The following CORO1B variants were observed in gnomAD, a reference collection of about 807,000 sequenced individuals.
CORO1B encodes coronin 1B, also known as coronin-1B.
In CORO1B, 30 loss-of-function variants were observed where a neutral mutation model predicts 51.1. The observed-to-expected ratio is 0.59, with a 90% CI of 0.44 to 0.80. CORO1B has a LOEUF of 0.80. CORO1B is among the 30% of genes least tolerant of loss of function. The pLI, the probability that CORO1B is intolerant of heterozygous loss-of-function variation, is 0.00. For missense variants in CORO1B, 648 were observed against 700.4 expected (o/e 0.93, Z 0.84); for synonymous variants, 310 against 289.7 (o/e 1.07, Z -0.71).
intron 3 of CORO1B, 41 bp from the exon 4 acceptor site, chr11:67,441,903 G>A: frequency 3.7e-6 from 6 of 1,613,072 alleles, no homozygotes; most frequent in Non-Finnish European, 5.1e-6. Context: ...TCCTCTGCTG[G>A]TCCTATTGCT....
chr11:67,436,166 C>T lies in CORO1B; in HGVS notation c.*2210G>A. 6.4e-7 allele frequency: 1 copy of T among 1,563,074 alleles called. No individual in the cohort carries two copies. Among genetic ancestry groups the T allele is most frequent in the East Asian group, 2.4e-5 (1 of 42,230 alleles). On this transcript the variant is annotated 3_prime_UTR_variant, in exon 11 of 11. Coordinates refer to ENST00000341356, the MANE Select transcript of CORO1B (RefSeq NM_020441.3). ...ACCTAGGCGGGCCGGGTGGTAGTAG[C>T]CCCCTGAGTCACGGCTGAGGCGGCG...
Position 67,436,121 on chromosome 11 carries a change from G to C in CORO1B, c.*2255C>G. 1 of 1,596,496 alleles carries C rather than the reference G, an allele frequency of 6.3e-7. No individual in the cohort carries two copies. Among genetic ancestry groups the C allele is most frequent in the Middle Eastern group, 1.7e-4 (1 of 6,022 alleles). Reference sequence around the variant, plus strand: ...GGGGCTGGCCCAGAGCAGGCGCCGCGTGCGGCCCCACAGCGCGGCACCTAG... The same window carrying C: ...GGGGCTGGCCCAGAGCAGGCGCCGCCTGCGGCCCCACAGCGCGGCACCTAG... On this transcript the variant is annotated 3_prime_UTR_variant, in exon 11 of 11. Coordinates refer to ENST00000341356, the MANE Select transcript of CORO1B (RefSeq NM_020441.3).
At chr11:67,440,483 C>T in intron 6 of CORO1B, 44 bp from the exon 7 acceptor site, 1 of 1,580,246 alleles carries the variant, frequency 6.3e-7, no homozygotes, top group East Asian at 2.3e-5. Context: ...CCTCCTCACC[C>T]CCTAATCCCA....
upstream of CORO1B, chr11:67,443,719 C>G: frequency 1.0e-6 from 1 of 985,114 alleles, no homozygotes; most frequent in Non-Finnish European, 1.2e-6. Context: ...CGGCGGCCGC[C>G]GCAGAGGCGC....
At position 67,440,277 on chromosome 11, in the gene CORO1B, G is replaced by C; in HGVS notation, c.862-14C>G. On this transcript the variant is annotated splice_polypyrimidine_tract_variant and intron_variant, in intron 7 of 10. Coordinates refer to ENST00000341356, the MANE Select transcript of CORO1B (RefSeq NM_020441.3). ...GCTGGAGTCACCCTGTGTGGGGAGG[G>C]GGCTCAGCACCTGGGCACGCCTCTT... 6.2e-7 allele frequency: 1 copy of C among 1,612,832 alleles called. No homozygotes were observed. Among genetic ancestry groups the C allele is most frequent in the East Asian group, 2.2e-5 (1 of 44,850 alleles).
At position 67,441,125 on chromosome 11, in the gene CORO1B, T is replaced by C. The variant is rs1864384643; in HGVS notation, c.756A>G (p.Pro252=). The change falls in exon 6 of 11, where the codon CCA becomes CCG. Residue 252 remains proline (P), a splice_region_variant and synonymous_variant. Coordinates refer to ENST00000341356, the MANE Select transcript of CORO1B (RefSeq NM_020441.3). Reference sequence around the variant, plus strand: ...TTGCCCCCTCAGGCTGGCCACTCACTGGGTCCCAGAGCGCCAGCTGCCGCT... The same window carrying C: ...TTGCCCCCTCAGGCTGGCCACTCACCGGGTCCCAGAGCGCCAGCTGCCGCT... ...MSERQLALWD[P]ENLEEPMALQ... 6.2e-7 allele frequency: 1 copy of C among 1,612,948 alleles called. No individual in the cohort carries two copies. The highest frequency in any genetic ancestry group is 8.5e-7 in the Non-Finnish European group (1 of 1,179,984).
intron 1 of CORO1B, among the ~76,000 whole-genome samples, 194 bp from the exon 2 acceptor site, chr11:67,442,824 C>A (rs1864425490): frequency 6.6e-6 from 1 of 152,182 alleles, no homozygotes; most frequent in African/African-American, 2.4e-5. Flanking sequence ...AGGCAGTGAT[C>A]TGAGAGGTAA....
At chr11:67,442,156 G>A (rs114276194) in intron 2 of CORO1B, 68 bp from the exon 3 acceptor site, 13 of 1,584,086 alleles carry the variant, frequency 8.2e-6, no homozygotes, top group Admixed American at 3.4e-5. Context: ...CCTCCATGGA[G>A]TGGGAATGAC....
chr11:67,443,514 G>A, upstream of CORO1B: 1 of 956,966 alleles, frequency 1.0e-6, no homozygotes, highest in Non-Finnish European at 1.2e-6. Flanking sequence ...GACCCGGAGC[G>A]GGGGCGGGGC....
intron 4 of CORO1B, 24 bp from the exon 5 acceptor site, chr11:67,441,538 C>A (rs551956204): frequency 6.2e-7 from 1 of 1,604,244 alleles, no homozygotes; most frequent in East Asian, 2.2e-5. Flanking sequence ...GTTGTCAGCT[C>A]GGGCCGGGTG....
Position 67,436,572 on chromosome 11 carries a change from A to G in CORO1B, c.*1804T>C. 1 of 457,724 alleles carries G rather than the reference A, an allele frequency of 2.2e-6. No individual in the cohort carries two copies. 28.4% of individuals were successfully genotyped at this position (457,724 alleles called of 1,614,324 possible). On this transcript the variant is annotated 3_prime_UTR_variant, in exon 11 of 11. Transcript: ENST00000341356. ...CTCCCTACCACTCACCTCCCCCAAC[A>G]GCTGCATTAAGCCACCTGCCTGGGG... is the stretch of plus-strand genomic sequence containing the variant.
chr11:67,439,736 C>A, intron 9 of CORO1B, 50 bp downstream of exon 9: 1 of 1,541,320 alleles, frequency 6.5e-7, no homozygotes, highest in Non-Finnish European at 8.8e-7. Flanking sequence ...AACTGCATGG[C>A]CCGCTTGCTG....
In CORO1B at chr11:67,442,635, G is replaced by A. The variant is rs776958206; in HGVS notation, c.-2-5C>T. On this transcript the variant is annotated splice_region_variant and splice_polypyrimidine_tract_variant and intron_variant, in intron 1 of 10. Coordinates refer to ENST00000341356, the MANE Select transcript of CORO1B (RefSeq NM_020441.3). The stretch of plus-strand genomic sequence containing the variant: ...CCACTTTGCGGAAGGACATGTCTGC[G>A]GGACAGAGAGGCCTGGGTCAGTCCG... The A allele has an allele frequency of 3.1e-6, 5 of 1,612,882 alleles. No homozygotes were observed. In the African/African-American group the frequency reaches 4.0e-5, roughly 13 times the overall value.
In CORO1B at chr11:67,443,468, GGGAAGCA is replaced by G; in HGVS notation, c.-74_-68del. The G allele has an allele frequency of 2.0e-6, 2 of 986,198 alleles. No individual in the cohort carries two copies. The highest frequency in any genetic ancestry group is 1.1e-4 in the East Asian group (1 of 8,818). The allele number at this position is 986,198 out of a possible 1,614,324, so 61.1% of individuals were successfully genotyped here. ...CGGGCGGCTCCGGATCCCGGCCTCT[GGGAAGCA>G]GGAAGCAGGATTCAGGAAGTGACAG... On this transcript the variant is annotated 5_prime_UTR_variant, in exon 1 of 11. Coordinates refer to ENST00000341356, the MANE Select transcript of CORO1B (RefSeq NM_020441.3).
Position 67,440,386 on chromosome 11 carries a change from G to A in CORO1B, c.810C>T (p.Ala270=), listed in dbSNP as rs147222783. 3 of 1,613,768 alleles carry A rather than the reference G, an allele frequency of 1.9e-6. No homozygotes were observed. The highest frequency in any genetic ancestry group is 2.5e-6 in the Non-Finnish European group (3 of 1,180,006). Residue 270 remains alanine, a synonymous_variant, in exon 7 of 11, where the codon GCC becomes GCT. Transcript: ENST00000341356. ...ALQELDSSNG[A]LLPFYDPDTS... ...TGTCGGGGTCGTAGAAGGGCAGCAGGGCCCCGTTGCTCGAGTCCAGTTCCT... is the reference window on the plus strand; with the variant it reads ...TGTCGGGGTCGTAGAAGGGCAGCAGAGCCCCGTTGCTCGAGTCCAGTTCCT...
upstream of CORO1B, chr11:67,443,716 C>T (rs1864442541): frequency 5.1e-6 from 5 of 984,846 alleles, no homozygotes; most frequent in South Asian, 4.7e-5. Flanking sequence ...CGACGGCGGC[C>T]GCCGCAGAGG....
rs776024131 is a variant in CORO1B at position 67,440,325 on chromosome 11, C to T, written c.861+10G>A. On this transcript the variant is annotated intron_variant, in intron 7 of 10. Coordinates refer to ENST00000341356, the MANE Select transcript of CORO1B (RefSeq NM_020441.3). ...CTTCCCTGCCCCTCGCCAGCCCTGC[C>T]CAGCCCCACCTTGCCGCAGACGTAG... is the stretch of plus-strand genomic sequence containing the variant. 4 of 1,613,422 alleles carry T rather than the reference C, an allele frequency of 2.5e-6. No individual in the cohort carries two copies. The South Asian group carries it at 4.4e-5, about 18-fold the overall frequency.
In CORO1B at chr11:67,443,441, T is replaced by C. The variant is rs1590988772; in HGVS notation, c.-40A>G. 1.0e-6 allele frequency: 1 copy of C among 986,140 alleles called. No homozygotes were observed. The highest frequency in any genetic ancestry group is 4.7e-5 in the South Asian group (1 of 21,340). 61.1% of individuals were successfully genotyped at this position (986,140 alleles called of 1,614,324 possible). A position where few individuals can be genotyped will look rare whatever the true frequency, so the allele number is the denominator to read the frequency against. ...GGGCGCAGGGGGCTGCGGCACCGGC[T>C]TCGGGCGGCTCCGGATCCCGGCCTC... On this transcript the variant is annotated 5_prime_UTR_variant, in exon 1 of 11. Transcript: ENST00000341356.
Position 67,437,429 on chromosome 11 carries a change from G to A in CORO1B, c.*947C>T. Reference sequence around the variant, plus strand: ...CCTGGTCCGGTATGGGGTGCTGGGGGCCAGGCCTGGAGTCCCAGGGAGCCC... The same window carrying A: ...CCTGGTCCGGTATGGGGTGCTGGGGACCAGGCCTGGAGTCCCAGGGAGCCC... On this transcript the variant is annotated 3_prime_UTR_variant, in exon 11 of 11. Transcript: ENST00000341356. The A allele has an allele frequency of 3.5e-6, 2 of 572,500 alleles. No homozygotes were observed. Among genetic ancestry groups the A allele is most frequent in the African/African-American group, 1.9e-5 (1 of 51,640 alleles). The allele number at this position is 572,500 out of a possible 1,614,324, so 35.5% of individuals were successfully genotyped here.
Sources: gnomAD v4.1 joint callset for allele counts (sites outside exome capture counted in the v4.1 genomes callset) on GRCh38, gnomAD v4.1.1 for gene constraint, MANE v1.5 for transcripts, NCBI Gene and HGNC (gene_info 2026-07-23, HGNC 2026-07-21) for gene names.